Variants in CHTOP observed in about 807,000 individuals in gnomAD.
The protein encoded by CHTOP is chromatin target of PRMT1, also known as chromatin target of PRMT1 protein.
CHTOP carries 18 observed loss-of-function variants against 33.6 expected under a neutral mutation model. That is an observed-to-expected ratio of 0.54 (90% CI 0.37 to 0.80). The LOEUF (loss-of-function observed/expected upper bound fraction) is 0.80. CHTOP is among the 30% of genes least tolerant of loss of function. The pLI is 0.00. For synonymous variants in CHTOP, 117 were observed against 127.7 expected (o/e 0.92, Z 0.56); for missense variants, 263 against 336.8 (o/e 0.78, Z 1.71).
rs1668808917 is a variant in CHTOP at position 153,645,905 on chromosome 1, ACAGCACATATACCATAAC to A, written c.*641_*658del. On this transcript the variant is annotated 3_prime_UTR_variant, in exon 6 of 6. Coordinates refer to ENST00000368694, the MANE Select transcript of CHTOP (RefSeq NM_015607.4). ...ATTCAAGTTGCTACCATGTACATTG[ACAGCACATATACCATAAC>A]CAGCGTGTTGGGTTGAATTGCACTT... The A allele has an allele frequency of 6.5e-6, 1 of 153,052 alleles. No individual in the cohort carries two copies. The highest frequency in any genetic ancestry group is 2.4e-5 in the African/African-American group (1 of 41,464). 9.5% of individuals were successfully genotyped at this position (153,052 alleles called of 1,614,324 possible).
At chr1:153,640,102 T>C (rs1387868072) in intron 3 of CHTOP, among the ~76,000 whole-genome samples, 1 of 152,216 alleles carries the variant, frequency 6.6e-6, no homozygotes, top group Non-Finnish European at 1.5e-5. Flanking sequence ...GGAAATGTTC[T>C]GTATTTGCTC....
chr1:153,640,816 C>CT (rs1217867027), intron 3 of CHTOP, among the ~76,000 whole-genome samples: 1 of 152,142 alleles, frequency 6.6e-6, no homozygotes, highest in Admixed American at 6.6e-5. Flanking sequence ...TAGAGGCTGC[C>CT]TTACACAGCA....
chr1:153,636,413 A>AG (rs1427578479), intron 1 of CHTOP, among the ~76,000 whole-genome samples, 159 bp from the exon 2 acceptor site: 1 of 151,086 alleles, frequency 6.6e-6, no homozygotes, highest in Non-Finnish European at 1.5e-5. Flanking sequence ...CTGTCTCAAA[A>AG]AAAAAAAAAA....
chr1:153,635,793 G>A (rs1262545436), intron 1 of CHTOP, among the ~76,000 whole-genome samples: 2 of 151,706 alleles, frequency 1.3e-5, no homozygotes, highest in East Asian at 3.9e-4. Flanking sequence ...CTGCACTCCA[G>A]CCTGGGCGAC....
rs187899863 is a variant in CHTOP at position 153,644,245 on chromosome 1, A to G, written c.542-819A>G. On this transcript the variant is annotated intron_variant, in intron 5 of 5. Transcript: ENST00000368694. ...CCAAGGGCTTGTTTTCTTCTCTCCC[A>G]TTATATGATACTTACTGAGTGAAGT... 13 of 152,358 alleles carry G rather than the reference A, an allele frequency of 8.5e-5. No individual in the cohort carries two copies. In the East Asian group the frequency reaches 2.3e-3, roughly 27 times the overall value. 9.4% of individuals were successfully genotyped at this position (152,358 alleles called of 1,614,324 possible).
chr1:153,640,296 A>G (rs911130865), intron 3 of CHTOP, among the ~76,000 whole-genome samples: 2 of 151,380 alleles, frequency 1.3e-5, no homozygotes, highest in Non-Finnish European at 2.9e-5. Flanking sequence ...CCAATGTGGC[A>G]AAACCCCATC....
intron 3 of CHTOP, among the ~76,000 whole-genome samples, chr1:153,641,307 A>G (rs10797056): frequency 0.58 from 88,563 of 152,108 alleles, 26,165 homozygotes; most frequent in East Asian, 0.7. Flanking sequence ...AGCCAGGCTT[A>G]CTAGGAGCTT....
Position 153,642,704 on chromosome 1 carries a change from A to G in CHTOP, c.403+275A>G, listed in dbSNP as rs369526979. 1.1e-4 allele frequency: 31 copies of G among 283,648 alleles called. No individual in the cohort carries two copies. In the East Asian group the frequency reaches 2.2e-3, roughly 20 times the overall value. 17.6% of individuals were successfully genotyped at this position (283,648 alleles called of 1,614,324 possible). On this transcript the variant is annotated intron_variant, in intron 4 of 5. Transcript: ENST00000368694. ...AAACACCCTGCTGTTGCTTGAATCA[A>G]AGCACATTCAAGTTCTAGAAACAAG...
chr1:153,644,767 GGATT>G lies in CHTOP; in HGVS notation c.542-292_542-289del, dbSNP rs539298650. ...TCAAATGTTAGGTAATTTTATCTTA[GGATT>G]GATTAAGGTTTTTTAAAATTATAGT... On this transcript the variant is annotated intron_variant, in intron 5 of 5. Coordinates refer to ENST00000368694, the MANE Select transcript of CHTOP (RefSeq NM_015607.4). Among the ~76,000 whole-genome samples the G allele has an allele frequency of 1.6e-3, 239 of 152,180 alleles. 2 individuals are homozygous for G. The highest frequency in any genetic ancestry group is 2.7e-3 in the Non-Finnish European group (182 of 68,004).
chr1:153,635,954 A>G (rs984898236), intron 1 of CHTOP, among the ~76,000 whole-genome samples: 8 of 151,844 alleles, frequency 5.3e-5, no homozygotes, highest in African/African-American at 1.9e-4. Flanking sequence ...TTTTAAAGAG[A>G]TGGGGTCTCA....
At chr1:153,640,880 A>G (rs1463281106) in intron 3 of CHTOP, among the ~76,000 whole-genome samples, 1 of 152,212 alleles carries the variant, frequency 6.6e-6, no homozygotes, top group Non-Finnish European at 1.5e-5. Flanking sequence ...CTTCCCTGTT[A>G]ATATTAAAGG....
intron 3 of CHTOP, among the ~76,000 whole-genome samples, chr1:153,641,466 T>C (rs1668622141): frequency 6.6e-6 from 1 of 152,228 alleles, no homozygotes; most frequent in African/African-American, 2.4e-5. Flanking sequence ...GGCCCTGAGT[T>C]TTGTGATCAC....
Position 153,638,048 on chromosome 1 carries a change from C to T in CHTOP, c.66-247C>T, listed in dbSNP as rs576956310. The T allele has an allele frequency of 8.1e-5, 39 of 483,376 alleles. 1 individual carries two copies. The highest frequency in any genetic ancestry group is 7.9e-4 in the South Asian group (34 of 42,944). The allele number at this position is 483,376 out of a possible 1,614,324, so 29.9% of individuals were successfully genotyped here. ...TCATACCTTCCACCTCTCTAAAAGC[C>T]GTTACCTGAGCCCTCGTTATCACTT... On this transcript the variant is annotated intron_variant, in intron 2 of 5. Transcript: ENST00000368694.
intron 5 of CHTOP, among the ~76,000 whole-genome samples, chr1:153,644,850 T>G (rs1668750521): frequency 6.6e-6 from 1 of 152,230 alleles, no homozygotes; most frequent in Admixed American, 6.5e-5. Flanking sequence ...AAAATAGCAT[T>G]TAGAGATGAT....
chr1:153,643,019 C>T (rs1668683808), intron 4 of CHTOP: 4 of 598,656 alleles, frequency 6.7e-6, no homozygotes, highest in Non-Finnish European at 8.9e-6. Flanking sequence ...GAATTAACTC[C>T]CAACTTCCAA....
At position 153,636,559 on chromosome 1, in the gene CHTOP, T is replaced by C. The variant is rs1170918970; in HGVS notation, c.-17-13T>C. The C allele has an allele frequency of 2.5e-6, 4 of 1,605,098 alleles. No individual in the cohort carries two copies. Among genetic ancestry groups the C allele is most frequent in the Non-Finnish European group, 3.4e-6 (4 of 1,172,818 alleles). On this transcript the variant is annotated splice_polypyrimidine_tract_variant and intron_variant, in intron 1 of 5. Transcript: ENST00000368694. ...TATTGTGATTTGCTCATTTTACGTATTGTTCTTTGTAGATTCTCGGGATTC... is the reference window on the plus strand; with the variant it reads ...TATTGTGATTTGCTCATTTTACGTACTGTTCTTTGTAGATTCTCGGGATTC...
intron 3 of CHTOP, among the ~76,000 whole-genome samples, chr1:153,639,918 C>T (rs938459614): frequency 2.6e-4 from 40 of 151,994 alleles, no homozygotes; most frequent in Non-Finnish European, 5.3e-4. Context: ...CAGCTACAGG[C>T]GCCCGCCACC....
intron 1 of CHTOP, among the ~76,000 whole-genome samples, chr1:153,635,620 A>G (rs900852333): frequency 1.3e-5 from 2 of 151,924 alleles, no homozygotes; most frequent in African/African-American, 4.8e-5. Context: ...CAGGAGTTCA[A>G]GACCACCCTG....
At chr1:153,636,802 A>G in intron 2 of CHTOP, 149 bp downstream of exon 2, 1 of 635,496 alleles carries the variant, frequency 1.6e-6, no homozygotes, top group Non-Finnish European at 2.8e-6. Context: ...GTGGTACACA[A>G]AACAAATTGG....
Sources: allele counts gnomAD v4.1 joint callset (sites outside exome capture counted in the v4.1 genomes callset), GRCh38; gene constraint gnomAD v4.1.1; transcripts MANE v1.5; gene names NCBI Gene and HGNC (gene_info 2026-07-23, HGNC 2026-07-21).